The following C11orf65 variants were observed in gnomAD, a reference collection of about 807,000 sequenced individuals.
C11orf65 encodes the protein protein MFI.
Under a neutral mutation model 35.3 loss-of-function variants are expected in C11orf65, and 38 were observed. The ratio of observed to expected loss-of-function variants is 1.08; its 90% confidence interval spans 0.83 to 1.41. The LOEUF (loss-of-function observed/expected upper bound fraction) is 1.41. Among genes scored for constraint, C11orf65 ranks in the 40% most tolerant of loss-of-function variants. C11orf65 has a pLI of 0.00. For missense variants in C11orf65, 370 were observed against 367.1 expected (o/e 1.01, Z -0.06); for synonymous variants, 105 against 114.4 (o/e 0.92, Z 0.53).
At chr11:108,468,376 T>C (rs2093559790), upstream of C11orf65, among the ~76,000 whole-genome samples, 1 of 152,232 alleles carries the variant, frequency 6.6e-6, no homozygotes, top group Admixed American at 6.5e-5. Context: ...AAAGCAAGTC[T>C]GACTTGCTTG....
downstream of C11orf65, among the ~76,000 whole-genome samples, chr11:108,379,956 T>G (rs1025465161): frequency 1.3e-5 from 2 of 152,158 alleles, no homozygotes; most frequent in Non-Finnish European, 2.9e-5. Context: ...GCAGGCACAG[T>G]AGATACCCAT....
At chr11:108,447,495 C>T (rs2093280496) in intron 2 of C11orf65, among the ~76,000 whole-genome samples, 1 of 152,206 alleles carries the variant, frequency 6.6e-6, no homozygotes, top group African/African-American at 2.4e-5. Flanking sequence ...CAAAACCGCT[C>T]AACTACATGG....
At chr11:108,397,877 G>A (rs1203507157) in intron 6 of C11orf65, among the ~76,000 whole-genome samples, 6 of 152,192 alleles carry the variant, frequency 3.9e-5, no homozygotes, top group Non-Finnish European at 5.9e-5. Flanking sequence ...CTGCTCTGTA[G>A]GGACTCAAAG....
At chr11:108,420,376 C>G (rs1315532600) in intron 3 of C11orf65, among the ~76,000 whole-genome samples, 3 of 152,178 alleles carry the variant, frequency 2.0e-5, no homozygotes, top group South Asian at 2.1e-4. Flanking sequence ...AGAGTTGGAA[C>G]TGCAATGTAA....
chr11:108,443,627 C>A (rs1164154257), intron 2 of C11orf65, among the ~76,000 whole-genome samples: 3 of 152,094 alleles, frequency 2.0e-5, no homozygotes. Context: ...GTCTCTCAGA[C>A]CACAGTGACA....
At chr11:108,367,489 TA>T in intron 2 of C11orf65, 1 of 205,272 alleles carries the variant, frequency 4.9e-6, no homozygotes, top group East Asian at 7.5e-5. Flanking sequence ...AAACATCAGA[TA>T]AAAAGCCACC....
rs2086677473 is a variant in C11orf65 at position 108,335,026 on chromosome 11, T to G, written c.299+194A>C. On this transcript the variant is annotated intron_variant, in intron 3 of 3. Coordinates refer to the C11orf65 transcript ENST00000524755. ...GACTATACAGTCATTTAAAGCAGAA[T>G]TTCGCTTAGCAGGAGGTGTAAATTT... The G allele has an allele frequency of 6.2e-7, 1 of 1,614,050 alleles. No homozygotes were observed. The highest frequency in any genetic ancestry group is 8.5e-7 in the Non-Finnish European group (1 of 1,179,912).
Position 108,331,703 on chromosome 11 carries a change from A to G in C11orf65, c.300-136T>C, listed in dbSNP as rs769608929. The G allele has an allele frequency of 1.6e-4, 213 of 1,321,230 alleles. No individual in the cohort carries two copies. The highest frequency in any genetic ancestry group is 2.1e-4 in the Non-Finnish European group (208 of 976,468). 81.8% of individuals were successfully genotyped at this position (1,321,230 alleles called of 1,614,324 possible). A position where few individuals can be genotyped will look rare whatever the true frequency, so the allele number is the denominator to read the frequency against. ...TCTTCTCACATCACATAAGTTACTC[A>G]TTTTCTCTCTCTAATTCCTCATAGG... On this transcript the variant is annotated intron_variant, in intron 3 of 3. Transcript: ENST00000524755.
At chr11:108,367,826 C>T (rs754611629) in intron 2 of C11orf65, 1 of 208,506 alleles carries the variant, frequency 4.8e-6, no homozygotes, top group Admixed American at 5.9e-5. Flanking sequence ...ACAAACTTAC[C>T]TTGGTGTATC....
At chr11:108,325,829 T>C (rs2085619265) in intron 6 of C11orf65, among the ~76,000 whole-genome samples, 1 of 152,170 alleles carries the variant, frequency 6.6e-6, no homozygotes, top group Non-Finnish European at 1.5e-5. Context: ...ATACTGTGTG[T>C]ATGTACACAC....
chr11:108,440,766 T>C (rs1394450558), intron 2 of C11orf65, among the ~76,000 whole-genome samples: 1 of 152,186 alleles, frequency 6.6e-6, no homozygotes, highest in Non-Finnish European at 1.5e-5. Flanking sequence ...GGTTCCAGAA[T>C]GTCATGTCCT....
At chr11:108,332,944 ACT>A in intron 3 of C11orf65, 1 of 1,590,274 alleles carries the variant, frequency 6.3e-7, no homozygotes, top group Non-Finnish European at 8.6e-7. Context: ...TTGCTGTGTT[ACT>A]CTCTGTAGAG....
chr11:108,309,025 T>A (rs1259248336), exon 7 of C11orf65: 1 of 1,526,660 alleles, frequency 6.6e-7, no homozygotes, highest in African/African-American at 1.4e-5. Flanking sequence ...AAGATAAAAA[T>A]TCTTCATATT....
chr11:108,385,538 G>C (rs906500997), intron 8 of C11orf65, among the ~76,000 whole-genome samples: 2 of 152,024 alleles, frequency 1.3e-5, no homozygotes, highest in African/African-American at 4.8e-5. Flanking sequence ...AAAAATTAGC[G>C]GGGTGTGGTG....
downstream of C11orf65, among the ~76,000 whole-genome samples, chr11:108,381,276 C>T (rs1217195415): frequency 7.2e-5 from 11 of 152,184 alleles, no homozygotes; most frequent in South Asian, 1.4e-3. Flanking sequence ...CTTGTTCCTA[C>T]AAGTTGAGAC....
At position 108,316,228 on chromosome 11, in the gene C11orf65, A is replaced by G. The variant is rs2084636435; in HGVS notation, c.641-7157T>C. 3.8e-6 allele frequency: 4 copies of G among 1,041,544 alleles called. No individual in the cohort carries two copies. In the African/African-American group the frequency reaches 6.3e-5, roughly 16 times the overall value. The allele number at this position is 1,041,544 out of a possible 1,614,324, so 64.5% of individuals were successfully genotyped here. A position where few individuals can be genotyped will look rare whatever the true frequency, so the allele number is the denominator to read the frequency against. ...AACTCTAGAGATAAGACTAGAACTT[A>G]TCTGTTTTTCAGAGGATTAGGCTAA... On this transcript the variant is annotated intron_variant, in intron 6 of 6. Transcript: ENST00000525729.
At chr11:108,457,888 C>T (rs2093426531) in intron 2 of C11orf65, among the ~76,000 whole-genome samples, 1 of 151,994 alleles carries the variant, frequency 6.6e-6, no homozygotes, top group Admixed American at 6.6e-5. Context: ...TAGAAGTCAC[C>T]CACTTGACTG....
Position 108,313,346 on chromosome 11 carries a change from C to G in C11orf65, c.641-4275G>C, listed in dbSNP as rs192504182. On this transcript the variant is annotated intron_variant, in intron 6 of 6. Coordinates refer to the C11orf65 transcript ENST00000525729. Reference sequence around the variant, plus strand: ...TCCCTATGTTCTCTTTTAGGTATCACCCTCTCTCTTCCTTCCTCTCACAGA... The same window carrying G: ...TCCCTATGTTCTCTTTTAGGTATCAGCCTCTCTCTTCCTTCCTCTCACAGA... 4.2e-3 allele frequency among the ~76,000 whole-genome samples: 632 copies of G among 152,006 alleles called. 2 individuals carry two copies. The highest frequency in any genetic ancestry group is 0.024 in the Middle Eastern group (7 of 294).
chr11:108,328,146 C>CT (rs1488710072), downstream of C11orf65, among the ~76,000 whole-genome samples: 6 of 152,216 alleles, frequency 3.9e-5, no homozygotes, highest in African/African-American at 7.2e-5. Flanking sequence ...GCCCCTTTGA[C>CT]TTTCCTGTTT....
Sources: gnomAD v4.1 joint callset for allele counts (sites outside exome capture counted in the v4.1 genomes callset) on GRCh38, gnomAD v4.1.1 for gene constraint, MANE v1.5 for transcripts, NCBI Gene and HGNC (gene_info 2026-07-23, HGNC 2026-07-21) for gene names.